DOLPP1: variants seen among roughly 807,000 people sequenced by gnomAD.
The protein encoded by DOLPP1 is dolichyl pyrophosphate phosphatase 1.
A neutral mutation model predicts 34.1 loss-of-function variants in DOLPP1; 15 were observed. The ratio of observed to expected loss-of-function variants is 0.44; its 90% CI spans 0.29 to 0.68. The LOEUF is 0.68. DOLPP1 is among the 30% of genes least tolerant of loss of function. DOLPP1 has a pLI of 0.12. For synonymous variants in DOLPP1, 130 were observed against 128.2 expected (o/e 1.01, Z -0.10); for missense variants, 249 against 307.1 (o/e 0.81, Z 1.41).
rs1313057997 is a variant in DOLPP1, at chr9:129,081,160, C to T, written c.29C>T (p.Pro10Leu). MAADGQCSL[P>L]ASWRPVTLTH... ...GCAGCGGACGGACAGTGCTCGCTCC[C>T]CGCTTCATGGCGGCCGGTGACCCTC... Residue 10 changes from proline (P) to leucine (L), a missense_variant, in exon 1 of 8, where the codon CCC becomes CTC. Transcript: ENST00000372546. The T allele has an allele frequency of 1.9e-6, 3 of 1,610,068 alleles. No individual in the cohort carries two copies. Among genetic ancestry groups the T allele is most frequent in the East Asian group, 4.5e-5 (2 of 44,660 alleles).
intron 7 of DOLPP1, among the ~76,000 whole-genome samples, chr9:129,087,951 A>G (rs1438110454): frequency 2.0e-5 from 3 of 151,326 alleles, no homozygotes; most frequent in Middle Eastern, 3.4e-3. Context: ...ATTTACCAAA[A>G]TCTCAGGGCA....
chr9:129,084,557 C>T lies in DOLPP1; in HGVS notation c.77-111C>T, dbSNP rs1313608385. On this transcript the variant is annotated intron_variant, in intron 1 of 7. Transcript: ENST00000372546. ...TGTCCCTGGCTGCCTGGCCTCCATT[C>T]TCCAGGCCCTGCCGGGACCTCCTTT... 1.4e-5 allele frequency: 12 copies of T among 848,690 alleles called. No individual in the cohort carries two copies. In the East Asian group the frequency reaches 2.4e-4, roughly 17 times the overall value. 52.6% of individuals were successfully genotyped at this position (848,690 alleles called of 1,614,324 possible).
At chr9:129,084,449 A>C in intron 1 of DOLPP1, 1 of 643,938 alleles carries the variant, frequency 1.6e-6, no homozygotes, top group Non-Finnish European at 2.8e-6. Flanking sequence ...CTTTAAACGC[A>C]TGCTGTGTGC....
In DOLPP1 at chr9:129,085,248, A is replaced by G. The variant is rs200336961; in HGVS notation, c.304A>G (p.Ser102Gly). 6.2e-7 allele frequency: 1 copy of G among 1,614,074 alleles called. No homozygotes were observed. Among genetic ancestry groups the G allele is most frequent in the African/African-American group, 1.3e-5 (1 of 75,036 alleles). Residue 102 changes from serine to glycine, a missense_variant, in exon 4 of 8, where the codon AGC becomes GGC. By Grantham distance (56) the Ser-to-Gly change is moderately conservative. Transcript: ENST00000372546. This position sits in a 1 kb window ranked among gnomAD's most constrained non-coding sequence, Gnocchi z 7.0. ...AVGTKYGMPS[S>G]HSQFMWFFSV... The stretch of plus-strand genomic sequence containing the variant: ...GGGCACCAAGTACGGGATGCCCTCC[A>G]GCCATTCCCAGTTTATGTGGTTCTT...
rs1379540900 is a variant in DOLPP1, at chr9:129,081,121, C to G, written c.-11C>G. ...CATTGGCTGCTCGAAGAAGCCCGGT[C>G]TCCGGGTAAGATGGCAGCGGACGGA... On this transcript the variant is annotated 5_prime_UTR_variant, in exon 1 of 8. Coordinates refer to ENST00000372546, the MANE Select transcript of DOLPP1 (RefSeq NM_020438.5). The G allele has an allele frequency of 1.9e-6, 3 of 1,606,696 alleles. No individual in the cohort carries two copies. The highest frequency in any genetic ancestry group is 1.1e-5 in the South Asian group (1 of 90,890).
intron 1 of DOLPP1, among the ~76,000 whole-genome samples, chr9:129,081,748 G>A (rs1846893853): frequency 6.6e-6 from 1 of 152,246 alleles, no homozygotes; most frequent in Admixed American, 6.5e-5. Flanking sequence ...CCGATGAGGG[G>A]GCGGGCAGCC....
At chr9:129,082,336 A>G (rs1846906258) in intron 1 of DOLPP1, among the ~76,000 whole-genome samples, 2 of 152,194 alleles carry the variant, frequency 1.3e-5, no homozygotes, top group African/African-American at 4.8e-5. Flanking sequence ...CTGCCTGTCT[A>G]CCATTCATTC....
intron 6 of DOLPP1, 52 bp downstream of exon 6, chr9:129,086,319 G>A: frequency 3.7e-6 from 6 of 1,604,646 alleles, no homozygotes; most frequent in Non-Finnish European, 5.1e-6. Context: ...CCTCCTGTGG[G>A]TGGGGCCATC....
Position 129,089,189 on chromosome 9 carries a change from C to A in DOLPP1, c.*182C>A. 1 of 561,684 alleles carries A rather than the reference C, an allele frequency of 1.8e-6. No individual in the cohort carries two copies. Among genetic ancestry groups the A allele is most frequent in the Non-Finnish European group, 3.1e-6 (1 of 324,846 alleles). 34.8% of individuals were successfully genotyped at this position (561,684 alleles called of 1,614,324 possible). ...GGACCAAAGGGCTGAACCAGCCCCTCAACCAGGACCCTGGGGGGCCTGCTG... is the reference window on the plus strand; with the variant it reads ...GGACCAAAGGGCTGAACCAGCCCCTAAACCAGGACCCTGGGGGGCCTGCTG... On this transcript the variant is annotated 3_prime_UTR_variant, in exon 8 of 8. Coordinates refer to ENST00000372546, the MANE Select transcript of DOLPP1 (RefSeq NM_020438.5). The surrounding 1 kb of genome is among the most constrained non-coding windows in gnomAD (Gnocchi z 4.9).
rs967718206 is a variant in DOLPP1, at chr9:129,086,856, T to C, written c.680+58T>C. The stretch of plus-strand genomic sequence containing the variant: ...CAGCCACAGGCAGCCTCTGCCTCCA[T>C]GTTTGGAGGGCTCTCCGGGAGCCTC... On this transcript the variant is annotated intron_variant, in intron 7 of 7. Coordinates refer to ENST00000372546, the MANE Select transcript of DOLPP1 (RefSeq NM_020438.5). 3.4e-6 allele frequency: 5 copies of C among 1,473,646 alleles called. No individual in the cohort carries two copies. In the African/African-American group the frequency reaches 7.0e-5, roughly 20 times the overall value. 91.3% of individuals were successfully genotyped at this position (1,473,646 alleles called of 1,614,324 possible).
chr9:129,087,829 G>A (rs1175247437), intron 7 of DOLPP1, among the ~76,000 whole-genome samples: 1 of 151,968 alleles, frequency 6.6e-6, no homozygotes, highest in Non-Finnish European at 1.5e-5. Context: ...AGGGGGTTAG[G>A]GCAGGCAATC....
chr9:129,084,791 C>CTT, intron 2 of DOLPP1, 23 bp downstream of exon 2: 1 of 1,531,496 alleles, frequency 6.5e-7, no homozygotes, highest in Middle Eastern at 2.3e-4. Context: ...TGCCCACACC[C>CTT]TCCCCACCCC....
At chr9:129,084,003 G>A (rs1295968987) in intron 1 of DOLPP1, among the ~76,000 whole-genome samples, 1 of 152,224 alleles carries the variant, frequency 6.6e-6, no homozygotes, top group African/African-American at 2.4e-5. Context: ...AGGAGTGATG[G>A]GAGTGTCAGA....
chr9:129,087,118 G>A (rs1442332760), intron 7 of DOLPP1, among the ~76,000 whole-genome samples: 1 of 152,058 alleles, frequency 6.6e-6, no homozygotes, highest in Non-Finnish European at 1.5e-5. Flanking sequence ...TCCTGTGTGT[G>A]GACATCCCTA....
At chr9:129,082,290 G>A (rs978796340) in intron 1 of DOLPP1, among the ~76,000 whole-genome samples, 1 of 152,180 alleles carries the variant, frequency 6.6e-6, no homozygotes, top group Non-Finnish European at 1.5e-5. Context: ...TGTACTGGGG[G>A]TGGTATGGCC....
intron 1 of DOLPP1, among the ~76,000 whole-genome samples, chr9:129,082,176 G>A (rs1453934842): frequency 6.6e-6 from 1 of 152,184 alleles, no homozygotes; most frequent in African/African-American, 2.4e-5. Flanking sequence ...CTGGTTGCCT[G>A]GGAAGGGCCT....
At chr9:129,084,477 TAGAC>T in intron 1 of DOLPP1, 187 bp from the exon 2 acceptor site, 1 of 678,982 alleles carries the variant, frequency 1.5e-6, no homozygotes, top group Non-Finnish European at 2.7e-6. Context: ...TGCTAAGTAG[TAGAC>T]AGCATCACGT....
Position 129,085,858 on chromosome 9 carries a change from G to A in DOLPP1, c.461+242G>A, listed in dbSNP as rs138192060. Among the ~76,000 whole-genome samples the A allele has an allele frequency of 1.4e-4, 22 of 152,352 alleles. No homozygotes were observed. Among genetic ancestry groups the A allele is most frequent in the East Asian group, 5.8e-4 (3 of 5,180 alleles). The stretch of plus-strand genomic sequence containing the variant: ...ATCAGCCATCTCTTCCCAGCGTTCC[G>A]GAGGAGCCCACTGTAGACAAATTCA... On this transcript the variant is annotated intron_variant, in intron 5 of 7. Coordinates refer to ENST00000372546, the MANE Select transcript of DOLPP1 (RefSeq NM_020438.5). This position sits in a 1 kb window ranked among gnomAD's most constrained non-coding sequence, Gnocchi z 7.0.
rs898305053 is a variant in DOLPP1, at chr9:129,081,171, C to A, written c.40C>A (p.Arg14=). ...ACAGTGCTCGCTCCCCGCTTCATGG[C>A]GGCCGGTGACCCTCACCCACGTCGA... The part of the protein sequence containing the change: ...DGQCSLPASW[R]PVTLTHVEYP... Residue 14 remains arginine, a synonymous_variant, in exon 1 of 8, where the codon CGG becomes AGG. Transcript: ENST00000372546. The A allele has an allele frequency of 1.2e-6, 2 of 1,610,016 alleles. No homozygotes were observed. Among genetic ancestry groups the A allele is most frequent in the South Asian group, 2.2e-5 (2 of 91,022 alleles).
Sources: gnomAD v4.1 joint callset for allele counts (sites outside exome capture counted in the v4.1 genomes callset) on GRCh38, gnomAD v4.1.1 for gene constraint, Gnocchi (gnomAD v3.1) non-coding constraint, MANE v1.5 for transcripts, NCBI Gene and HGNC (gene_info 2026-07-23, HGNC 2026-07-21) for gene names.